Variants in SPIN1 observed in about 807,000 individuals in gnomAD.
The protein encoded by SPIN1 is spindlin-1.
Under a neutral mutation model 26.0 loss-of-function variants are expected in SPIN1, and 3 were observed. The ratio of observed to expected loss-of-function variants is 0.12; its 90% confidence interval spans 0.05 to 0.30. SPIN1 has a LOEUF of 0.30. Ranked by LOEUF, SPIN1 falls within the 10% of genes least tolerant of loss-of-function variation. The pLI is 1.00. For synonymous variants in SPIN1, 101 were observed against 116.5 expected (o/e 0.87, Z 0.86); for missense variants, 126 against 333.4 (o/e 0.38, Z 4.84).
At chr9:88,416,008 G>A (rs535948392) in intron 1 of SPIN1, among the ~76,000 whole-genome samples, 1 of 150,276 alleles carries the variant, frequency 6.7e-6, no homozygotes, top group South Asian at 2.1e-4. Context: ...TGCCCGCCTT[G>A]GCCTTCCAAA....
chr9:88,399,874 G>C (rs563771714), intron 1 of SPIN1, among the ~76,000 whole-genome samples: 24 of 152,298 alleles, frequency 1.6e-4, no homozygotes, highest in African/African-American at 5.5e-4. Flanking sequence ...GGACCCGAAG[G>C]TTTCTGTGAC....
chr9:88,395,459 T>C (rs1190069695), intron 1 of SPIN1, among the ~76,000 whole-genome samples: 2 of 152,116 alleles, frequency 1.3e-5, no homozygotes, highest in Admixed American at 6.6e-5. Flanking sequence ...GGGTTGTTTA[T>C]ATTCTCTTGG....
At chr9:88,392,577 TCTC>T (rs1425315050) in intron 1 of SPIN1, among the ~76,000 whole-genome samples, 2 of 151,956 alleles carry the variant, frequency 1.3e-5, no homozygotes, top group Admixed American at 6.6e-5. Context: ...ACCTGTCTCC[TCTC>T]CTCTCCTCTC....
At chr9:88,413,426 C>T (rs1366070833) in intron 1 of SPIN1, among the ~76,000 whole-genome samples, 1 of 151,688 alleles carries the variant, frequency 6.6e-6, no homozygotes, top group East Asian at 1.9e-4. Flanking sequence ...CTGTATCGCC[C>T]AGGCTGGAGT....
In SPIN1 at chr9:88,419,325, T is replaced by A. The variant is rs574881846; in HGVS notation, c.-158-7057T>A. Among the ~76,000 whole-genome samples the A allele has an allele frequency of 5.9e-4, 90 of 152,246 alleles. 1 individual carries two copies. The Middle Eastern group carries it at 0.014, about 23-fold the overall frequency. On this transcript the variant is annotated intron_variant, in intron 1 of 5. Coordinates refer to ENST00000375859, the MANE Select transcript of SPIN1 (RefSeq NM_006717.3). ...CACTCACCCCGTCACTCTCTTTAAATTAGCCAATTGGAAATAGTTTAGCCT... is the reference window on the plus strand; with the variant it reads ...CACTCACCCCGTCACTCTCTTTAAAATAGCCAATTGGAAATAGTTTAGCCT...
intron 4 of SPIN1, among the ~76,000 whole-genome samples, chr9:88,467,058 T>C (rs1828684762): frequency 6.6e-6 from 1 of 152,148 alleles, no homozygotes; most frequent in Non-Finnish European, 1.5e-5. Context: ...TTTGTTTGTT[T>C]GTTTGTTTTT....
chr9:88,471,431 A>C (rs569165813), intron 5 of SPIN1, among the ~76,000 whole-genome samples: 1 of 151,880 alleles, frequency 6.6e-6, no homozygotes, highest in Non-Finnish European at 1.5e-5. Flanking sequence ...TTGGGAGGCC[A>C]AGGCGGGTGG....
intron 1 of SPIN1, among the ~76,000 whole-genome samples, chr9:88,397,532 A>G (rs1358083007): frequency 6.6e-6 from 1 of 151,790 alleles, no homozygotes; most frequent in Non-Finnish European, 1.5e-5. Context: ...TTTTAATGAA[A>G]TTTTCTGTGT....
At chr9:88,425,234 G>A (rs190016143) in intron 1 of SPIN1, among the ~76,000 whole-genome samples, 32 of 152,172 alleles carry the variant, frequency 2.1e-4, no homozygotes, top group Non-Finnish European at 1.0e-4. Context: ...AGGGATATGA[G>A]ATTTGATGTG....
rs576894397 is a variant in SPIN1 at position 88,448,927 on chromosome 9, C to A, written c.53-14C>A. On this transcript the variant is annotated splice_polypyrimidine_tract_variant and intron_variant, in intron 2 of 5. Coordinates refer to ENST00000375859, the MANE Select transcript of SPIN1 (RefSeq NM_006717.3). ...ATCTGGTTTTCATTGACTATATACT[C>A]ATCTCTCTTACAGGCCATGCTGGAG... is the stretch of plus-strand genomic sequence containing the variant. 2 of 1,612,618 alleles carry A rather than the reference C, an allele frequency of 1.2e-6. No individual in the cohort carries two copies. The highest frequency in any genetic ancestry group is 1.1e-5 in the South Asian group (1 of 90,974).
intron 2 of SPIN1, among the ~76,000 whole-genome samples, chr9:88,434,702 C>G (rs1827964075): frequency 6.6e-6 from 1 of 152,092 alleles, no homozygotes; most frequent in African/African-American, 2.4e-5. Context: ...GTACCATATT[C>G]ATTTGGTATC....
chr9:88,406,928 A>G (rs1389238559), intron 1 of SPIN1, among the ~76,000 whole-genome samples: 1 of 151,706 alleles, frequency 6.6e-6, no homozygotes, highest in Non-Finnish European at 1.5e-5. Flanking sequence ...TTCTGTCTGT[A>G]TTTTATCTTG....
intron 3 of SPIN1, among the ~76,000 whole-genome samples, chr9:88,461,788 A>T (rs2118187153): frequency 1.3e-5 from 2 of 152,330 alleles, no homozygotes; most frequent in Middle Eastern, 6.8e-3. Flanking sequence ...TATTATTTAT[A>T]AACATTCTGT....
intron 3 of SPIN1, among the ~76,000 whole-genome samples, chr9:88,450,039 A>G (rs1828327255): frequency 6.6e-6 from 1 of 152,212 alleles, no homozygotes; most frequent in African/African-American, 2.4e-5. Flanking sequence ...TTAGCTTAAG[A>G]AACTACCTGG....
At chr9:88,457,797 C>T (rs1226049339) in intron 3 of SPIN1, 1 of 967,826 alleles carries the variant, frequency 1.0e-6, no homozygotes, top group Non-Finnish European at 1.2e-6. Context: ...GAGGATGTAT[C>T]TAGAAAGACA....
At chr9:88,401,036 T>G (rs973265595) in intron 1 of SPIN1, among the ~76,000 whole-genome samples, 7 of 152,120 alleles carry the variant, frequency 4.6e-5, no homozygotes, top group African/African-American at 1.7e-4. Flanking sequence ...AAGGAAAGGT[T>G]CACCTAAATG....
chr9:88,411,104 T>C, intron 1 of SPIN1: 1 of 1,526,010 alleles, frequency 6.6e-7, no homozygotes, highest in South Asian at 1.1e-5. Context: ...ATCTCTTAGG[T>C]GATGTTCTTT....
At chr9:88,405,227 C>CT (rs1296159797) in intron 1 of SPIN1, among the ~76,000 whole-genome samples, 1 of 151,880 alleles carries the variant, frequency 6.6e-6, no homozygotes, top group Non-Finnish European at 1.5e-5. Flanking sequence ...TTGTACTATA[C>CT]TTTTTTTTGT....
chr9:88,439,310 G>T (rs899147768), intron 2 of SPIN1, among the ~76,000 whole-genome samples: 5 of 152,282 alleles, frequency 3.3e-5, no homozygotes, highest in African/African-American at 1.2e-4. Context: ...TCAGTGTCAG[G>T]AATGATGATG....
Sources: gnomAD v4.1 joint callset for allele counts (sites outside exome capture counted in the v4.1 genomes callset) on GRCh38, gnomAD v4.1.1 for gene constraint, MANE v1.5 for transcripts, NCBI Gene and HGNC (gene_info 2026-07-23, HGNC 2026-07-21) for gene names.